The following TWIST2 variants were observed in gnomAD, a reference collection of about 807,000 sequenced individuals.
TWIST2 encodes twist family bHLH transcription factor 2, also known as twist-related protein 2.
TWIST2 carries 1 observed loss-of-function variant against 11.6 expected under a neutral mutation model. The observed-to-expected ratio is 0.09, with a 90% CI of 0.03 to 0.41. The LOEUF is 0.41. Ranked by LOEUF, TWIST2 falls within the 10% of genes least tolerant of loss-of-function variation. The probability of loss-of-function intolerance (pLI) is 0.98; values close to 1 mark genes in which losing one functional copy is unlikely to be tolerated. For synonymous variants in TWIST2, 87 were observed against 96.6 expected, an observed-to-expected ratio of 0.90 and a Z score of 0.58; for missense variants, 168 against 226.4, an observed-to-expected ratio of 0.74 and a Z score of 1.66.
intron 1 of TWIST2, among the ~76,000 whole-genome samples, chr2:238,875,490 TCC>T (rs1692787848): frequency 6.6e-6 from 1 of 152,202 alleles, no homozygotes; most frequent in Admixed American, 6.5e-5. Context: ...TGGCCAAGCA[TCC>T]CAGTAAAGGG....
chr2:238,875,167 G>A (rs1249429578), intron 1 of TWIST2, among the ~76,000 whole-genome samples: 2 of 152,070 alleles, frequency 1.3e-5, no homozygotes, highest in Non-Finnish European at 2.9e-5. Context: ...ACCCAACTGG[G>A]CAAGCCCTGG....
chr2:238,882,849 T>C (rs1294702447), intron 1 of TWIST2, among the ~76,000 whole-genome samples: 1 of 152,148 alleles, frequency 6.6e-6, no homozygotes, highest in Non-Finnish European at 1.5e-5. Context: ...AAGGATGCTT[T>C]CTGGGTTGCT....
At chr2:238,869,892 G>C (rs1345934804) in intron 1 of TWIST2, among the ~76,000 whole-genome samples, 1 of 152,028 alleles carries the variant, frequency 6.6e-6, no homozygotes, top group African/African-American at 2.4e-5. Flanking sequence ...AGGTTACAGT[G>C]AGCTATGCAC....
intron 1 of TWIST2, among the ~76,000 whole-genome samples, chr2:238,899,088 A>G (rs1693240273): frequency 6.6e-6 from 1 of 152,096 alleles, no homozygotes; most frequent in Admixed American, 6.5e-5. Context: ...TGCTGTTGGT[A>G]TTTACAGCCC....
intron 1 of TWIST2, among the ~76,000 whole-genome samples, chr2:238,855,036 G>A (rs1173734874): frequency 1.3e-5 from 2 of 152,190 alleles, no homozygotes; most frequent in Non-Finnish European, 2.9e-5. Context: ...CCCTGGACCT[G>A]CGACTTGTCC....
chr2:238,896,960 G>A (rs1159125601), intron 1 of TWIST2, among the ~76,000 whole-genome samples: 14 of 152,186 alleles, frequency 9.2e-5, no homozygotes, highest in African/African-American at 3.4e-4. Flanking sequence ...CAGGGGGAGG[G>A]AGGCGCCTGA....
chr2:238,875,252 G>A (rs1447545125), intron 1 of TWIST2, among the ~76,000 whole-genome samples: 4 of 151,848 alleles, frequency 2.6e-5, no homozygotes, highest in Non-Finnish European at 5.9e-5. Flanking sequence ...TTTCTCTGGG[G>A]TGAGATATAG....
At chr2:238,889,386 C>T (rs1693093906) in intron 1 of TWIST2, among the ~76,000 whole-genome samples, 1 of 152,086 alleles carries the variant, frequency 6.6e-6, no homozygotes, top group African/African-American at 2.4e-5. Flanking sequence ...CATATATATA[C>T]ACATAGACGT....
intron 1 of TWIST2, among the ~76,000 whole-genome samples, chr2:238,868,849 G>A (rs1692593838): frequency 6.6e-6 from 1 of 152,254 alleles, no homozygotes; most frequent in Non-Finnish European, 1.5e-5. Context: ...GCCGGCCGGT[G>A]CAGGGGCTTG....
At chr2:238,859,326 A>T (rs940269319) in intron 1 of TWIST2, among the ~76,000 whole-genome samples, 15 of 152,076 alleles carry the variant, frequency 9.9e-5, no homozygotes, top group African/African-American at 3.4e-4. Context: ...GATTTCATTT[A>T]TATGAAATGT....
chr2:238,886,649 C>A (rs1355176153), intron 1 of TWIST2: 1 of 151,940 alleles, frequency 6.6e-6, no homozygotes, highest in Non-Finnish European at 1.5e-5. Flanking sequence ...GAGCCACCTA[C>A]CGGTTGAGTG....
chr2:238,870,111 C>A (rs1692620207), intron 1 of TWIST2, among the ~76,000 whole-genome samples: 1 of 146,232 alleles, frequency 6.8e-6, no homozygotes, highest in African/African-American at 2.6e-5. Flanking sequence ...TACACAGACA[C>A]ACCATACACC....
chr2:238,907,760 AACAC>A lies in TWIST2; in HGVS notation c.*36-2078_*36-2075del, dbSNP rs1273078829. On this transcript the variant is annotated intron_variant, in intron 1 of 1. Transcript: ENST00000612363. Reference sequence around the variant, plus strand: ...TAAACGCACACAACACACACACAAAAACACACAAACACTCCACATACCCACTTAC... The same window carrying A: ...TAAACGCACACAACACACACACAAAAACAAACACTCCACATACCCACTTAC... Among the ~76,000 whole-genome samples, 18 of 139,484 alleles carry A rather than the reference AACAC, an allele frequency of 1.3e-4. No individual in the cohort carries two copies. The East Asian group carries it at 2.2e-3, about 17-fold the overall frequency. 91.5% of individuals were successfully genotyped at this position (139,484 alleles called of 152,430 possible). A position where few individuals can be genotyped will look rare whatever the true frequency, so the allele number is the denominator to read the frequency against.
At chr2:238,897,777 C>A (rs1693222888) in intron 1 of TWIST2, among the ~76,000 whole-genome samples, 1 of 152,240 alleles carries the variant, frequency 6.6e-6, no homozygotes, top group African/African-American at 2.4e-5. Context: ...CACTGCCCAT[C>A]CCAGCCCGGG....
intron 1 of TWIST2, among the ~76,000 whole-genome samples, chr2:238,853,032 A>G (rs775306555): frequency 6.6e-6 from 1 of 152,184 alleles, no homozygotes; most frequent in South Asian, 2.1e-4. Flanking sequence ...GAATCTCAAT[A>G]TATTTCCAAT....
At chr2:238,895,314 C>T (rs1693193947) in intron 1 of TWIST2, among the ~76,000 whole-genome samples, 1 of 152,244 alleles carries the variant, frequency 6.6e-6, no homozygotes, top group East Asian at 1.9e-4. Context: ...ATGTCAGGCC[C>T]TTCCTCACTT....
At chr2:238,876,183 G>C (rs1038986105) in intron 1 of TWIST2, among the ~76,000 whole-genome samples, 2 of 152,202 alleles carry the variant, frequency 1.3e-5, no homozygotes, top group Non-Finnish European at 2.9e-5. Flanking sequence ...GTTCAGGAAC[G>C]GCTGAACCTC....
rs1334680991 is a variant in TWIST2 at position 238,864,947 on chromosome 2, A to G, written c.*35+16214A>G. 6.6e-6 allele frequency among the ~76,000 whole-genome samples: 1 copy of G among 152,072 alleles called. No homozygotes were observed. The highest frequency in any genetic ancestry group is 2.4e-5 in the African/African-American group (1 of 41,430). Reference sequence around the variant, plus strand: ...CCGGGAGGACCTGGAGGATGCATCTACTGCCAGGCTCGGTGGGCCTGGCCA... The same window carrying G: ...CCGGGAGGACCTGGAGGATGCATCTGCTGCCAGGCTCGGTGGGCCTGGCCA... On this transcript the variant is annotated intron_variant, in intron 1 of 1. Coordinates refer to ENST00000612363, the MANE Select transcript of TWIST2 (RefSeq NM_001271893.4). The surrounding 1 kb of genome is among the most constrained non-coding windows in gnomAD (Gnocchi z 4.7).
chr2:238,848,172 C>A lies in TWIST2; in HGVS notation c.-44C>A. The stretch of plus-strand genomic sequence containing the variant: ...GCGGGCTTGGCCAGCGGCGCGCGCT[C>A]GGCGCCCCGGCGCCCCCAGCCCCAC... On this transcript the variant is annotated 5_prime_UTR_variant, in exon 1 of 2. Coordinates refer to ENST00000612363, the MANE Select transcript of TWIST2 (RefSeq NM_001271893.4). 8.3e-7 allele frequency: 1 copy of A among 1,203,824 alleles called. No homozygotes were observed. The highest frequency in any genetic ancestry group is 1.0e-6 in the Non-Finnish European group (1 of 970,604). 74.6% of individuals were successfully genotyped at this position (1,203,824 alleles called of 1,614,324 possible). A position where few individuals can be genotyped will look rare whatever the true frequency, so the allele number is the denominator to read the frequency against.
Sources: allele counts gnomAD v4.1 joint callset (sites outside exome capture counted in the v4.1 genomes callset), GRCh38; gene constraint gnomAD v4.1.1; non-coding constraint Gnocchi (gnomAD v3.1); transcripts MANE v1.5; gene names NCBI Gene and HGNC (gene_info 2026-07-23, HGNC 2026-07-21).